Variants in MACF1 observed in about 807,000 individuals in gnomAD.
MACF1 encodes microtubule-actin cross-linking factor 1.
In MACF1, 193 loss-of-function variants were observed where a neutral mutation model predicts 854.8. That is an observed-to-expected ratio of 0.23 (90% CI 0.20 to 0.25). MACF1 has a LOEUF of 0.25. Ranked by LOEUF, MACF1 falls within the 10% of genes least tolerant of loss-of-function variation. The pLI, the probability that MACF1 is intolerant of heterozygous loss-of-function variation, is 1.00. For missense variants in MACF1, 7,722 were observed against 8,929.1 expected, an observed-to-expected ratio of 0.86 and a Z score of 5.45; for synonymous variants, 3,185 against 3,226.7, an observed-to-expected ratio of 0.99 and a Z score of 0.44.
At chr1:39,291,643 C>T (rs1645792342) in intron 15 of MACF1, among the ~76,000 whole-genome samples, 1 of 152,160 alleles carries the variant, frequency 6.6e-6, no homozygotes, top group Admixed American at 6.5e-5. Flanking sequence ...TTCCCTTTCC[C>T]TTTTGGTTGA....
intron 58 of MACF1, among the ~76,000 whole-genome samples, chr1:39,394,186 A>AC (rs1642178229): frequency 6.6e-6 from 1 of 152,112 alleles, no homozygotes; most frequent in Admixed American, 6.5e-5. Flanking sequence ...CTACCGGGGG[A>AC]CCTAGGTATC....
chr1:39,381,380 G>GA (rs990323077), intron 55 of MACF1, among the ~76,000 whole-genome samples: 7 of 131,628 alleles, frequency 5.3e-5, no homozygotes, highest in African/African-American at 1.5e-4. Context: ...TTTTTTTTTG[G>GA]GGGGGGGGAC....
chr1:39,214,954 C>T (rs1644558354), intron 1 of MACF1, among the ~76,000 whole-genome samples: 1 of 152,208 alleles, frequency 6.6e-6, no homozygotes, highest in Non-Finnish European at 1.5e-5. Flanking sequence ...CACCACATTA[C>T]AAGCTTCTGC....
chr1:39,292,878 TAG>T, intron 17 of MACF1, 35 bp downstream of exon 17: 1 of 1,547,060 alleles, frequency 6.5e-7, no homozygotes, highest in Non-Finnish European at 8.9e-7. Context: ...ATTCTGCTCA[TAG>T]AGTCTGGTTC....
Position 39,237,223 on chromosome 1 carries a change from A to G in MACF1, c.171+5980A>G, listed in dbSNP as rs991562796. Among the ~76,000 whole-genome samples the G allele has an allele frequency of 1.8e-4, 28 of 151,916 alleles. 1 individual carries two copies. Among genetic ancestry groups the G allele is most frequent in the Non-Finnish European group, 4.4e-5 (3 of 68,002 alleles). On this transcript the variant is annotated intron_variant, in intron 2 of 100. Coordinates refer to ENST00000564288, the MANE Select transcript of MACF1 (RefSeq NM_001394062.1). ...AGCCTCCTCTGCCTGACCATCACCC[A>G]CTTCACCTTCTAGGCCCAGCTCCAG...
intron 30 of MACF1, 69 bp from the exon 31 acceptor site, chr1:39,319,595 C>A: frequency 8.9e-7 from 1 of 1,119,990 alleles, no homozygotes. Flanking sequence ...TGCCTTAGAA[C>A]ATAGTAAATG....
chr1:39,434,369 T>C lies in MACF1; in HGVS notation c.17566-45T>C, dbSNP rs769294191. On this transcript the variant is annotated intron_variant, in intron 68 of 100. Coordinates refer to ENST00000564288, the MANE Select transcript of MACF1 (RefSeq NM_001394062.1). Reference sequence around the variant, plus strand: ...ACCTACTTTTTTTCTTAAGAGTTTATAATAGTAATACTTATCCTTTTTTTT... The same window carrying C: ...ACCTACTTTTTTTCTTAAGAGTTTACAATAGTAATACTTATCCTTTTTTTT... 12 of 1,187,926 alleles carry C rather than the reference T, an allele frequency of 1.0e-5. No individual in the cohort carries two copies. In the Admixed American group the frequency reaches 2.7e-4, roughly 27 times the overall value. The allele number at this position is 1,187,926 out of a possible 1,614,324, so 73.6% of individuals were successfully genotyped here.
chr1:39,411,966 T>C (rs1643028529), intron 58 of MACF1: 1 of 1,613,940 alleles, frequency 6.2e-7, no homozygotes, highest in Non-Finnish European at 8.5e-7. Context: ...CTTCCACTGT[T>C]AGCAAGGAGG....
intron 6 of MACF1, among the ~76,000 whole-genome samples, chr1:39,258,474 TA>T (rs1645120870): frequency 6.6e-6 from 1 of 152,232 alleles, no homozygotes; most frequent in Non-Finnish European, 1.5e-5. Flanking sequence ...TTAATTAGAA[TA>T]CTTTAGTATC....
rs1213025852 is a variant in MACF1, at chr1:39,285,213, G to A, written c.1259+3G>A. The A allele has an allele frequency of 1.9e-6, 3 of 1,614,168 alleles. No homozygotes were observed. Among genetic ancestry groups the A allele is most frequent in the South Asian group, 2.2e-5 (2 of 91,082 alleles). ...TCACTTCGGCCGGCTGTGGAGAGGT[G>A]GGTCCAGATCCTGAGAGTGGTCTGA... On this transcript the variant is annotated splice_donor_region_variant and intron_variant, in intron 12 of 100. Transcript: ENST00000564288.
At chr1:39,137,568 A>G (rs1230151512) in intron 2 of MACF1, among the ~76,000 whole-genome samples, 1 of 151,340 alleles carries the variant, frequency 6.6e-6, no homozygotes, top group Non-Finnish European at 1.5e-5. Flanking sequence ...GTCTCATTTT[A>G]TTGCCCAGGC....
At chr1:39,316,651 G>C (rs1226186127) in intron 28 of MACF1, 122 bp downstream of exon 28, 4 of 894,742 alleles carry the variant, frequency 4.5e-6, no homozygotes, top group Non-Finnish European at 6.6e-6. Flanking sequence ...AAGGCAGAAT[G>C]TCATTAAATA....
intron 2 of MACF1, among the ~76,000 whole-genome samples, chr1:39,150,581 C>T (rs1001161327): frequency 6.6e-6 from 1 of 152,108 alleles, no homozygotes; most frequent in Non-Finnish European, 1.5e-5. Flanking sequence ...CTTTCACAGC[C>T]GTGTTCTTTG....
intron 2 of MACF1, among the ~76,000 whole-genome samples, chr1:39,085,945 G>A (rs1158448406): frequency 2.0e-5 from 3 of 152,098 alleles, no homozygotes; most frequent in Non-Finnish European, 4.4e-5. Flanking sequence ...CCTCTTTTAA[G>A]TGCCGCCTCC....
intron 69 of MACF1, 87 bp downstream of exon 69, chr1:39,434,719 G>A: frequency 1.8e-6 from 2 of 1,114,152 alleles, no homozygotes; most frequent in Non-Finnish European, 2.6e-6. Flanking sequence ...GTCTATAGGT[G>A]CAAGTTCTGT....
intron 24 of MACF1, 56 bp downstream of exon 24, chr1:39,309,752 A>C (rs1187414307): frequency 1.3e-6 from 2 of 1,580,428 alleles, no homozygotes; most frequent in Non-Finnish European, 1.7e-6. Flanking sequence ...TTTTTTCAGA[A>C]GGAGCTTTTT....
At position 39,285,667 on chromosome 1, in the gene MACF1, C is replaced by G. The variant is rs1645628999; in HGVS notation, c.1417C>G (p.Gln473Glu). The G allele has an allele frequency of 6.2e-7, 1 of 1,613,988 alleles. No individual in the cohort carries two copies. The highest frequency in any genetic ancestry group is 8.5e-7 in the Non-Finnish European group (1 of 1,179,942). ...QCESDVIMYI[Q>E]ECEGLIRQLQ... Reference sequence around the variant, plus strand: ...TGAGTCAGATGTCATTATGTACATTCAGGAGTGTGAAGGTCTCATCAGGCA... The same window carrying G: ...TGAGTCAGATGTCATTATGTACATTGAGGAGTGTGAAGGTCTCATCAGGCA... The change falls in exon 14 of 101, where the codon CAG becomes GAG. Residue 473 changes from glutamine to glutamate, a missense_variant. Physicochemically the swap from Gln to Glu is conservative, Grantham distance 29. Coordinates refer to ENST00000564288, the MANE Select transcript of MACF1 (RefSeq NM_001394062.1).
Position 39,255,773 on chromosome 1 carries a change from A to C in MACF1, c.435+1398A>C, listed in dbSNP as rs574756718. 2.0e-4 allele frequency among the ~76,000 whole-genome samples: 30 copies of C among 152,308 alleles called. No homozygotes were observed. The South Asian group carries it at 5.2e-3, about 26-fold the overall frequency. ...AAAGTGGTAGAAGTGGAGGTTGCTG[A>C]AGTGTTTAGGGTACTGGAGAAAGCA... On this transcript the variant is annotated intron_variant, in intron 5 of 100. Coordinates refer to ENST00000564288, the MANE Select transcript of MACF1 (RefSeq NM_001394062.1).
chr1:39,377,559 A>G (rs878899491), intron 52 of MACF1, among the ~76,000 whole-genome samples: 2 of 152,192 alleles, frequency 1.3e-5, no homozygotes, highest in Non-Finnish European at 2.9e-5. Context: ...ACAATTTATA[A>G]GAATGTTGAT....
Sources: gnomAD v4.1 joint callset for allele counts (sites outside exome capture counted in the v4.1 genomes callset) on GRCh38, gnomAD v4.1.1 for gene constraint, MANE v1.5 for transcripts, NCBI Gene and HGNC (gene_info 2026-07-23, HGNC 2026-07-21) for gene names.